Variants in ZNF469 observed in about 807,000 individuals in gnomAD.
The protein encoded by ZNF469 is zinc finger protein 469.
In ZNF469, 1 loss-of-function variant was observed where a neutral mutation model predicts 1.0. The ratio of observed to expected loss-of-function variants is 1.00; its 90% CI spans 0.35 to 4.73. The LOEUF (loss-of-function observed/expected upper bound fraction) is 4.73, where lower values mean the gene tolerates loss of function less well. ZNF469 is among the 30% of genes most tolerant of loss of function. The pLI, the probability that ZNF469 is intolerant of heterozygous loss-of-function variation, is 0.16. For missense variants in ZNF469, 6,100 were observed against 5,356.3 expected, an observed-to-expected ratio of 1.14 and a Z score of -4.33; for synonymous variants, 2,703 against 2,363.4, an observed-to-expected ratio of 1.14 and a Z score of -4.17.
chr16:88,312,510 T>C, the ZNF469 span, among the ~76,000 whole-genome samples: 1 of 152,232 alleles, frequency 6.6e-6, no homozygotes, highest in Non-Finnish European at 1.5e-5. Flanking sequence ...GTTTTGTTCA[T>C]TTGTGTTGGC....
chr16:88,122,111 G>T, the ZNF469 span, among the ~76,000 whole-genome samples: 2 of 143,950 alleles, frequency 1.4e-5, no homozygotes, highest in South Asian at 4.5e-4. Flanking sequence ...ATCACACTCT[G>T]TCACTCACTG....
At chr16:88,255,719 G>C in the ZNF469 span, among the ~76,000 whole-genome samples, 1 of 152,256 alleles carries the variant, frequency 6.6e-6, no homozygotes, top group Non-Finnish European at 1.5e-5. Context: ...CCTGAGAGGG[G>C]CTTCTGGCCA....
the ZNF469 span, among the ~76,000 whole-genome samples, chr16:88,290,238 CTGA>C: frequency 6.6e-6 from 1 of 152,236 alleles, no homozygotes; most frequent in East Asian, 1.9e-4. Flanking sequence ...TCCTGTGCAG[CTGA>C]TGGACTTTCA....
the ZNF469 span, among the ~76,000 whole-genome samples, chr16:88,154,363 G>A: frequency 4.6e-5 from 7 of 152,204 alleles, no homozygotes; most frequent in East Asian, 7.7e-4. Context: ...ATGGGGTTTC[G>A]CCATGTTGGC....
At position 88,432,715 on chromosome 16, in the gene ZNF469, T is replaced by G. The variant is rs765449902; in HGVS notation, c.5245T>G (p.Phe1749Val). Reference protein sequence around the residue: ...AKCSPDQELSFPKNKEAASSQ... With the variant: ...AKCSPDQELSVPKNKEAASSQ... The stretch of plus-strand genomic sequence containing the variant: ...GTGCAGCCCCGACCAGGAACTTTCA[T>G]TTCCTAAGAATAAGGAGGCCGCCAG... The change falls in exon 3 of 3, where the codon TTT (phenylalanine) becomes GTT (valine). Residue 1749 changes from phenylalanine (F) to valine (V), a missense_variant. Coordinates refer to ENST00000565624, the MANE Select transcript of ZNF469 (RefSeq NM_001367624.2). The G allele has an allele frequency of 5.2e-6, 8 of 1,550,290 alleles. No individual in the cohort carries two copies.
rs1345271257 is a variant in ZNF469, at chr16:88,439,796, C to T, written c.*464C>T. The T allele has an allele frequency of 4.2e-6, 1 of 235,322 alleles. No individual in the cohort carries two copies. The highest frequency in any genetic ancestry group is 8.4e-6 in the Non-Finnish European group (1 of 119,594). The allele number at this position is 235,322 out of a possible 1,614,324, so 14.6% of individuals were successfully genotyped here. ...TGCTGTTGCTGGAATTCCAAAGTGA[C>T]CTTAGAAACCACGTGGGGGAAGGCA... On this transcript the variant is annotated 3_prime_UTR_variant, in exon 3 of 3. Transcript: ENST00000565624.
At chr16:88,395,866 G>C (rs8056915) in intron 1 of ZNF469, among the ~76,000 whole-genome samples, 101,979 of 152,136 alleles carry the variant, frequency 0.67, 34,771 homozygotes, top group African/African-American at 0.79. Context: ...TGGATCAAAG[G>C]CCATGCTGTG....
chr16:88,269,976 C>T, the ZNF469 span, among the ~76,000 whole-genome samples: 3 of 152,090 alleles, frequency 2.0e-5, no homozygotes. Context: ...TAGAAACCAC[C>T]ATCCAGGATC....
chr16:88,154,069 C>T, the ZNF469 span, among the ~76,000 whole-genome samples: 1 of 152,226 alleles, frequency 6.6e-6, no homozygotes, highest in Non-Finnish European at 1.5e-5. Flanking sequence ...CCAGCTTCTC[C>T]GGTCCTCTGG....
At chr16:88,403,590 T>C (rs1227832144) in intron 1 of ZNF469, among the ~76,000 whole-genome samples, 1 of 151,450 alleles carries the variant, frequency 6.6e-6, no homozygotes, top group Admixed American at 6.6e-5. Context: ...GGACCAGGGG[T>C]GGGCGAGGGT....
chr16:88,395,113 T>C (rs1403412507), intron 1 of ZNF469, among the ~76,000 whole-genome samples: 1 of 152,206 alleles, frequency 6.6e-6, no homozygotes, highest in Non-Finnish European at 1.5e-5. Flanking sequence ...GTGAACTCTG[T>C]AGGCAGAACT....
chr16:88,236,732 T>TG, the ZNF469 span, among the ~76,000 whole-genome samples: 326 of 151,740 alleles, frequency 2.1e-3, 6 homozygotes, highest in East Asian at 9.7e-3. Context: ...CCGGGCGTGG[T>TG]GGGGGGTGCC....
At chr16:88,189,216 C>A in the ZNF469 span, among the ~76,000 whole-genome samples, 5 of 152,182 alleles carry the variant, frequency 3.3e-5, no homozygotes, top group African/African-American at 1.2e-4. This position sits in a 1 kb window ranked among gnomAD's most constrained non-coding sequence, Gnocchi z 4.3. Context: ...CACTTCTGAT[C>A]GTAACAACCC....
chr16:88,365,553 C>G, the ZNF469 span, among the ~76,000 whole-genome samples: 236 of 152,274 alleles, frequency 1.5e-3, no homozygotes, highest in Non-Finnish European at 2.7e-3. Context: ...GGGAAAGAAC[C>G]CTGGAGCCGG....
the ZNF469 span, among the ~76,000 whole-genome samples, chr16:88,340,302 T>C: frequency 6.6e-6 from 1 of 152,156 alleles, no homozygotes; most frequent in Non-Finnish European, 1.5e-5. Context: ...GGTGTTGTCA[T>C]GGGCCAGGTG....
chr16:88,204,632 G>T, the ZNF469 span, among the ~76,000 whole-genome samples: 6 of 152,364 alleles, frequency 3.9e-5, no homozygotes, highest in East Asian at 1.2e-3. Context: ...TGGCCAGAAT[G>T]CAGGAGGACC....
At position 88,438,642 on chromosome 16, in the gene ZNF469, C is replaced by G. The variant is rs1199292077; in HGVS notation, c.11172C>G (p.Pro3724=). 1.9e-6 allele frequency: 3 copies of G among 1,550,118 alleles called. No individual in the cohort carries two copies. The highest frequency in any genetic ancestry group is 2.6e-6 in the Non-Finnish European group (3 of 1,146,894). The change falls in exon 3 of 3, where the codon CCC becomes CCG. Residue 3724 remains proline (P), a synonymous_variant. Transcript: ENST00000565624. ...GTENGMKPAT[P]KAKPGPSSQG... is the part of the protein sequence containing the mutation. Reference sequence around the variant, plus strand: ...AGAATGGGATGAAGCCCGCCACCCCCAAAGCCAAACCCGGCCCCAGCTCCC... The same window carrying G: ...AGAATGGGATGAAGCCCGCCACCCCGAAAGCCAAACCCGGCCCCAGCTCCC...
chr16:88,187,715 A>ATTT, the ZNF469 span, among the ~76,000 whole-genome samples: 16,053 of 140,100 alleles, frequency 0.11, 1,058 homozygotes, highest in African/African-American at 0.16. Context: ...GATTGCCTGC[A>ATTT]TTTTTTTTTT....
chr16:88,223,147 A>AT, the ZNF469 span, among the ~76,000 whole-genome samples: 8 of 152,132 alleles, frequency 5.3e-5, no homozygotes, highest in Non-Finnish European at 1.2e-4. Flanking sequence ...CCCCACCCAA[A>AT]TCTCACCTTG....
Sources: allele counts gnomAD v4.1 joint callset (sites outside exome capture counted in the v4.1 genomes callset), GRCh38; gene constraint gnomAD v4.1.1; non-coding constraint Gnocchi (gnomAD v3.1); transcripts MANE v1.5; gene names NCBI Gene and HGNC (gene_info 2026-07-23, HGNC 2026-07-21).